Variants in ABI2 observed in about 807,000 individuals in gnomAD.
ABI2 encodes the protein abl interactor 2.
ABI2 carries 25 observed loss-of-function variants against 59.2 expected under a neutral mutation model. The observed-to-expected ratio is 0.42, with a 90% CI of 0.31 to 0.59. The LOEUF is 0.59. Among genes scored for constraint, ABI2 ranks in the 20% least tolerant of loss-of-function variants. The probability of loss-of-function intolerance (pLI) is 0.14; values close to 1 mark genes in which losing one functional copy is unlikely to be tolerated. For synonymous variants in ABI2, 213 were observed against 235.5 expected (o/e 0.90, Z 0.87); for missense variants, 545 against 681.8 (o/e 0.80, Z 2.23).
chr2:203,342,551 C>CTTTT (rs1443051943), intron 1 of ABI2, among the ~76,000 whole-genome samples: 13 of 88,880 alleles, frequency 1.5e-4, no homozygotes, highest in Non-Finnish European at 2.4e-4. Flanking sequence ...CCCTCAAAAC[C>CTTTT]TTTTATTTAT....
intron 8 of ABI2, among the ~76,000 whole-genome samples, chr2:203,398,749 G>GT (rs1207401064): frequency 6.6e-6 from 1 of 151,702 alleles, no homozygotes; most frequent in East Asian, 1.9e-4. Context: ...CCCTTGATGT[G>GT]TTTTTTTTCT....
At chr2:203,360,819 C>T (rs2093384373) in intron 1 of ABI2, among the ~76,000 whole-genome samples, 2 of 152,194 alleles carry the variant, frequency 1.3e-5, no homozygotes, top group African/African-American at 4.8e-5. Flanking sequence ...GAGTTTAGAA[C>T]ATTGACTCAA....
intron 7 of ABI2, 100 bp from the exon 8 acceptor site, chr2:203,396,685 A>T: frequency 8.1e-7 from 1 of 1,228,974 alleles, no homozygotes. Context: ...GGTTAGTGTT[A>T]AGCACTGAAT....
chr2:203,374,476 G>A (rs1473909149), intron 2 of ABI2, among the ~76,000 whole-genome samples: 2 of 146,194 alleles, frequency 1.4e-5, no homozygotes, highest in Non-Finnish European at 3.0e-5. Context: ...TCCAGCCTGG[G>A]TGGCAAAGCG....
At chr2:203,385,728 A>G (rs986800692) in intron 4 of ABI2, among the ~76,000 whole-genome samples, 14 of 152,186 alleles carry the variant, frequency 9.2e-5, no homozygotes, top group African/African-American at 3.4e-4. Flanking sequence ...CCTTTGAGAG[A>G]CCCATCTGTT....
intron 1 of ABI2, among the ~76,000 whole-genome samples, chr2:203,341,004 T>C (rs968012048): frequency 6.6e-5 from 10 of 152,278 alleles, no homozygotes; most frequent in Admixed American, 2.0e-4. Flanking sequence ...CTCAGGGCCT[T>C]TTTGCTTTGT....
At chr2:203,360,058 G>A (rs2093211832) in intron 1 of ABI2, among the ~76,000 whole-genome samples, 1 of 151,778 alleles carries the variant, frequency 6.6e-6, no homozygotes, top group Non-Finnish European at 1.5e-5. Flanking sequence ...GGTGGTGCAT[G>A]CCTGTAGTCC....
At position 203,430,672 on chromosome 2, in the gene ABI2, TTA is replaced by T. The variant is rs1491180310; in HGVS notation, c.*3321_*3322del. ...CTCAGAGGCGCCTGCTGTTCCCATT[TTA>T]GAGTTGACAGTGGCCTGCTAATTTT... On this transcript the variant is annotated 3_prime_UTR_variant, in exon 12 of 12. Transcript: ENST00000261018. 1 of 152,244 alleles carries T rather than the reference TTA, an allele frequency of 6.6e-6. No individual in the cohort carries two copies. The highest frequency in any genetic ancestry group is 1.9e-4 in the East Asian group (1 of 5,206). The allele number at this position is 152,244 out of a possible 1,614,324, so 9.4% of individuals were successfully genotyped here.
intron 8 of ABI2, 121 bp from the exon 9 acceptor site, chr2:203,402,455 A>G: frequency 1.4e-6 from 1 of 704,314 alleles, no homozygotes; most frequent in Non-Finnish European, 2.1e-6. Flanking sequence ...TGTATATTTC[A>G]GATACCAGTT....
At chr2:203,417,153 G>A (rs1043908350) in intron 11 of ABI2, 72 bp downstream of exon 11, 2 of 1,310,276 alleles carry the variant, frequency 1.5e-6, no homozygotes, top group African/African-American at 1.5e-5. Context: ...CGGTACTGAA[G>A]AGAATCTTAT....
chr2:203,364,396 G>A (rs1242185540), intron 1 of ABI2, among the ~76,000 whole-genome samples: 1 of 152,118 alleles, frequency 6.6e-6, no homozygotes, highest in Admixed American at 6.6e-5. Flanking sequence ...GGCTGGCAGG[G>A]AAAGATACTT....
Position 203,426,677 on chromosome 2 carries a change from A to T in ABI2, c.1454-500A>T, listed in dbSNP as rs189786837. On this transcript the variant is annotated intron_variant, in intron 11 of 11. Coordinates refer to ENST00000261018, the MANE Select transcript of ABI2 (RefSeq NM_001375670.1). ...TAGCGAAGAGGCATAGGCTCCAGAG[A>T]GAGTGAGAAAGGAGACAGAAATCTG... Among the ~76,000 whole-genome samples, 259 of 151,840 alleles carry T rather than the reference A, an allele frequency of 1.7e-3. 3 individuals carry two copies. Among genetic ancestry groups the T allele is most frequent in the African/African-American group, 5.8e-3 (241 of 41,468 alleles).
chr2:203,353,752 C>T lies in ABI2; in HGVS notation c.118-13125C>T, dbSNP rs543603116. ...ACCTCAAGTGGTCTGTCCACCTTGGCGTTCCAAAGTGTTGGGATTACAGGC... is the reference window on the plus strand; with the variant it reads ...ACCTCAAGTGGTCTGTCCACCTTGGTGTTCCAAAGTGTTGGGATTACAGGC... On this transcript the variant is annotated intron_variant, in intron 1 of 11. Transcript: ENST00000261018. 3.5e-3 allele frequency among the ~76,000 whole-genome samples: 532 copies of T among 152,284 alleles called. 3 individuals are homozygous for T. Among genetic ancestry groups the T allele is most frequent in the African/African-American group, 0.012 (491 of 41,578 alleles).
chr2:203,400,601 T>C (rs1298712117), intron 8 of ABI2, among the ~76,000 whole-genome samples: 1 of 152,196 alleles, frequency 6.6e-6, no homozygotes, highest in Non-Finnish European at 1.5e-5. Context: ...TCTCAGTTGA[T>C]AGTGGATTAT....
intron 10 of ABI2, among the ~76,000 whole-genome samples, chr2:203,416,118 G>A (rs2097882055): frequency 6.6e-6 from 1 of 151,990 alleles, no homozygotes; most frequent in Non-Finnish European, 1.5e-5. Flanking sequence ...GGAAAGTAGT[G>A]GGTTATTAAA....
chr2:203,366,753 TG>T, intron 1 of ABI2, 123 bp from the exon 2 acceptor site: 2 of 897,726 alleles, frequency 2.2e-6, no homozygotes, highest in Non-Finnish European at 3.2e-6. Flanking sequence ...TCAATTCTGG[TG>T]GATTAGTTTT....
At chr2:203,393,502 A>G (rs1272677408) in intron 5 of ABI2, among the ~76,000 whole-genome samples, 1 of 152,244 alleles carries the variant, frequency 6.6e-6, no homozygotes, top group Non-Finnish European at 1.5e-5. Flanking sequence ...CAAAGTCCTG[A>G]CATTACTTTT....
At chr2:203,427,055 T>C (rs1309461148) in intron 11 of ABI2, 122 bp from the exon 12 acceptor site, 2 of 794,732 alleles carry the variant, frequency 2.5e-6, no homozygotes. Context: ...GGTTGGTGTT[T>C]AGAAAGTCAC....
intron 4 of ABI2, among the ~76,000 whole-genome samples, chr2:203,388,873 C>T (rs750934420): frequency 1.3e-5 from 2 of 152,058 alleles, no homozygotes; most frequent in Non-Finnish European, 2.9e-5. Flanking sequence ...AATATTTTAG[C>T]TATCCCATGT....
Sources: allele counts gnomAD v4.1 joint callset (sites outside exome capture counted in the v4.1 genomes callset), GRCh38; gene constraint gnomAD v4.1.1; transcripts MANE v1.5; gene names NCBI Gene and HGNC (gene_info 2026-07-23, HGNC 2026-07-21).